The following SPATA21 variants were observed in gnomAD, a reference collection of about 807,000 sequenced individuals.
SPATA21 encodes spermatogenesis-associated protein 21.
Under a neutral mutation model 54.8 loss-of-function variants are expected in SPATA21, and 47 were observed. The observed-to-expected ratio is 0.86, with a 90% CI of 0.68 to 1.09. The LOEUF (loss-of-function observed/expected upper bound fraction) is 1.09. Among genes scored for constraint, SPATA21 ranks in the 50% least tolerant of loss-of-function variants. SPATA21 has a pLI of 0.00. For missense variants in SPATA21, 599 were observed against 596.4 expected (o/e 1.00, Z -0.05); for synonymous variants, 245 against 235.3 (o/e 1.04, Z -0.38).
chr1:16,413,359 T>C lies in SPATA21; in HGVS notation c.145-3316A>G, dbSNP rs145277902. Among the ~76,000 whole-genome samples the C allele has an allele frequency of 2.5e-3, 375 of 152,310 alleles. 3 individuals are homozygous for C. Among genetic ancestry groups the C allele is most frequent in the East Asian group, 0.014 (72 of 5,180 alleles). ...CATGTGTCAGAATTTCCTCCCTTTTTAAGGCTGAATAATAGTCTATTGTAC... is the reference window on the plus strand; with the variant it reads ...CATGTGTCAGAATTTCCTCCCTTTTCAAGGCTGAATAATAGTCTATTGTAC... On this transcript the variant is annotated intron_variant, in intron 5 of 12. Transcript: ENST00000335496.
At chr1:16,402,093 C>A (rs1056601151) in intron 10 of SPATA21, among the ~76,000 whole-genome samples, 4 of 152,080 alleles carry the variant, frequency 2.6e-5, no homozygotes, top group African/African-American at 4.8e-5. Flanking sequence ...TCACCTCAGG[C>A]CTGAGCCTCT....
At chr1:16,408,360 A>T in intron 7 of SPATA21, 1 of 561,702 alleles carries the variant, frequency 1.8e-6, no homozygotes, top group Non-Finnish European at 2.3e-6. Context: ...GTACATGTTT[A>T]GGCTGGTGGC....
rs372849041 is a variant in SPATA21, at chr1:16,421,457, C to T, written c.144+52G>A. 47 of 1,548,024 alleles carry T rather than the reference C, an allele frequency of 3.0e-5. No homozygotes were observed. The South Asian group carries it at 3.1e-4, about 10-fold the overall frequency. On this transcript the variant is annotated intron_variant, in intron 5 of 12. Coordinates refer to ENST00000335496, the MANE Select transcript of SPATA21 (RefSeq NM_198546.1). The surrounding 1 kb of genome is among the most constrained non-coding windows in gnomAD (Gnocchi z 5.2). Reference sequence around the variant, plus strand: ...TGCCCTCTTCCTCCTCCTGATCCCCCCTGCCTTTCTCCTACACAGCTCGTC... The same window carrying T: ...TGCCCTCTTCCTCCTCCTGATCCCCTCTGCCTTTCTCCTACACAGCTCGTC...
intron 10 of SPATA21, among the ~76,000 whole-genome samples, chr1:16,401,867 T>C (rs2085458895): frequency 1.3e-5 from 2 of 152,292 alleles, no homozygotes; most frequent in Admixed American, 6.5e-5. Flanking sequence ...CATCATTCAT[T>C]TAGTAAGTAT....
Position 16,437,291 on chromosome 1 carries a change from C to G in SPATA21, c.-350G>C, listed in dbSNP as rs955148749. On this transcript the variant is annotated 5_prime_UTR_variant, in exon 1 of 13. Transcript: ENST00000335496. The stretch of plus-strand genomic sequence containing the variant: ...GGAATAGATGGCAGGTCCAATTATT[C>G]TCAGCAGCAGAGGTTTAGGAATGCA... The G allele has an allele frequency of 6.6e-6, 1 of 152,240 alleles. No homozygotes were observed. Among genetic ancestry groups the G allele is most frequent in the African/African-American group, 2.4e-5 (1 of 41,444 alleles). The allele number at this position is 152,240 out of a possible 1,614,324, so 9.4% of individuals were successfully genotyped here.
intron 8 of SPATA21, among the ~76,000 whole-genome samples, chr1:16,404,312 A>T (rs1445742282): frequency 2.0e-5 from 3 of 152,144 alleles, no homozygotes; most frequent in Non-Finnish European, 2.9e-5. Context: ...TCTACTAAAA[A>T]TACAAAAATT....
At position 16,398,705 on chromosome 1, in the gene SPATA21, C is replaced by T. The variant is rs764597525; in HGVS notation, c.*60G>A. The stretch of plus-strand genomic sequence containing the variant: ...AAGCAAATCCCAGCAGCAGCTCCTG[C>T]CTGGTGGCCCATCTGTCTACAGGCC... On this transcript the variant is annotated 3_prime_UTR_variant, in exon 13 of 13. Transcript: ENST00000335496. The T allele has an allele frequency of 4.3e-5, 68 of 1,586,834 alleles. No individual in the cohort carries two copies. Among genetic ancestry groups the T allele is most frequent in the Non-Finnish European group, 3.9e-5 (45 of 1,155,870 alleles).
intron 3 of SPATA21, among the ~76,000 whole-genome samples, chr1:16,424,200 C>G (rs2086252246): frequency 7.2e-6 from 1 of 139,560 alleles, no homozygotes. Context: ...GTAATCCCAG[C>G]ACTTTGGGAG....
At chr1:16,432,561 C>A (rs2086486336) in intron 2 of SPATA21, among the ~76,000 whole-genome samples, 1 of 152,130 alleles carries the variant, frequency 6.6e-6, no homozygotes, top group Admixed American at 6.6e-5. Context: ...AGCCTCTGTG[C>A]CCACCTCCCA....
At chr1:16,432,987 T>C (rs2086497378) in intron 1 of SPATA21, 63 bp from the exon 2 acceptor site, 2 of 152,236 alleles carry the variant, frequency 1.3e-5, no homozygotes, top group African/African-American at 4.8e-5. Flanking sequence ...ACATGGCCAG[T>C]CTGCAGAGGA....
rs1345105290 is a variant in SPATA21, at chr1:16,421,654, C to T, written c.96-97G>A. 2 of 1,315,406 alleles carry T rather than the reference C, an allele frequency of 1.5e-6. No individual in the cohort carries two copies. Among genetic ancestry groups the T allele is most frequent in the East Asian group, 4.9e-5 (2 of 40,794 alleles). The allele number at this position is 1,315,406 out of a possible 1,614,324, so 81.5% of individuals were successfully genotyped here. Reference sequence around the variant, plus strand: ...AGCCCCCAGGACACTCAGTTCCACCCCAGCCTCATCCCCTTGGCCTTCTCA... The same window carrying T: ...AGCCCCCAGGACACTCAGTTCCACCTCAGCCTCATCCCCTTGGCCTTCTCA... On this transcript the variant is annotated intron_variant, in intron 4 of 12. Transcript: ENST00000335496. The surrounding 1 kb of genome is among the most constrained non-coding windows in gnomAD (Gnocchi z 5.2).
rs140335369 is a variant in SPATA21 at position 16,422,406 on chromosome 1, C to T, written c.35-435G>A. Among the ~76,000 whole-genome samples the T allele has an allele frequency of 9.9e-5, 15 of 152,222 alleles. No individual in the cohort carries two copies. The East Asian group carries it at 2.7e-3, about 27-fold the overall frequency. On this transcript the variant is annotated intron_variant, in intron 3 of 12. Transcript: ENST00000335496. ...TGAGGAAATTGAAGCCCAGAGAAGG[C>T]GTGGCCTACCCAAAGAACCACACTT...
At chr1:16,432,518 G>A (rs960141955) in intron 2 of SPATA21, among the ~76,000 whole-genome samples, 2 of 151,898 alleles carry the variant, frequency 1.3e-5, no homozygotes, top group African/African-American at 2.4e-5. Context: ...TTTAATCCAG[G>A]CAGGCTCCTG....
intron 10 of SPATA21, among the ~76,000 whole-genome samples, chr1:16,403,477 T>TTTTTCC (rs1557643766): frequency 4.5e-5 from 6 of 133,128 alleles, no homozygotes; most frequent in African/African-American, 1.6e-4. Flanking sequence ...TTATTCTAGT[T>TTTTTCC]TTTTTCTTTT....
intron 2 of SPATA21, 79 bp from the exon 3 acceptor site, chr1:16,431,501 AT>A: frequency 7.2e-7 from 1 of 1,379,504 alleles, no homozygotes; most frequent in Non-Finnish European, 9.8e-7. Flanking sequence ...GGAGCCTATA[AT>A]GTAGACAGCC....
intron 1 of SPATA21, among the ~76,000 whole-genome samples, chr1:16,436,341 C>T (rs898996762): frequency 2.0e-4 from 29 of 146,078 alleles, no homozygotes; most frequent in African/African-American, 7.2e-4. Flanking sequence ...GAGCCGAGAT[C>T]GCACCATTGC....
At chr1:16,435,642 G>C (rs1328122531) in intron 1 of SPATA21, among the ~76,000 whole-genome samples, 1 of 150,828 alleles carries the variant, frequency 6.6e-6, no homozygotes, top group East Asian at 1.9e-4. Flanking sequence ...TTTCAGACAG[G>C]GTCTTACTCT....
chr1:16,399,438 G>A lies in SPATA21; in HGVS notation c.1258C>T (p.Pro420Ser). ...TGGTCTAGTGCATAGTGGTTGCTCGGCTGCCTACGGACCATCTTCTTGTCC... is the reference window on the plus strand; with the variant it reads ...TGGTCTAGTGCATAGTGGTTGCTCGACTGCCTACGGACCATCTTCTTGTCC... Reference protein sequence around the residue: ...QLDKKMVRRQPSNHYALDQCT... With the variant: ...QLDKKMVRRQSSNHYALDQCT... Residue 420 changes from proline (P) to serine (S), a missense_variant, in exon 12 of 13, where the codon CCG (proline) becomes TCG (serine). Transcript: ENST00000335496. 6.2e-7 allele frequency: 1 copy of A among 1,614,172 alleles called. No individual in the cohort carries two copies. The highest frequency in any genetic ancestry group is 2.2e-5 in the East Asian group (1 of 44,880).
chr1:16,424,247 A>C (rs1376511654), intron 3 of SPATA21, among the ~76,000 whole-genome samples: 1 of 123,620 alleles, frequency 8.1e-6, no homozygotes, highest in African/African-American at 3.2e-5. Context: ...TGGGAGGCAG[A>C]GCTTGCAGTG....
Sources: allele counts gnomAD v4.1 joint callset (sites outside exome capture counted in the v4.1 genomes callset), GRCh38; gene constraint gnomAD v4.1.1; non-coding constraint Gnocchi (gnomAD v3.1); transcripts MANE v1.5; gene names NCBI Gene and HGNC (gene_info 2026-07-23, HGNC 2026-07-21).